NUDT9: variants seen among roughly 807,000 people sequenced by gnomAD.
NUDT9 encodes the protein ADP-ribose pyrophosphatase.
In NUDT9, 31 loss-of-function variants were observed where a neutral mutation model predicts 41.0. The ratio of observed to expected loss-of-function variants is 0.76; its 90% CI spans 0.57 to 1.02. NUDT9 has a LOEUF of 1.02. Among genes scored for constraint, NUDT9 ranks in the 50% least tolerant of loss-of-function variants. The pLI is 0.00. For missense variants in NUDT9, 380 were observed against 431.4 expected (o/e 0.88, Z 1.06); for synonymous variants, 146 against 147.6 (o/e 0.99, Z 0.08).
intron 5 of NUDT9, among the ~76,000 whole-genome samples, chr4:87,449,510 T>C (rs1185129731): frequency 6.6e-6 from 1 of 152,212 alleles, no homozygotes. Flanking sequence ...TGTAGGTCTG[T>C]GTTCTGGCCG....
intron 1 of NUDT9, among the ~76,000 whole-genome samples, chr4:87,425,850 T>G (rs187528501): frequency 2.0e-5 from 3 of 151,856 alleles, no homozygotes; most frequent in East Asian, 2.0e-4. Context: ...CTCTGTCACC[T>G]AGGCTGGAGT....
chr4:87,433,044 C>G (rs7660018), intron 1 of NUDT9, among the ~76,000 whole-genome samples: 42,252 of 151,918 alleles, frequency 0.28, 6,304 homozygotes, highest in East Asian at 0.53. Context: ...TTCCTCTTCA[C>G]GTTTTTGGAA....
chr4:87,434,626 CT>C (rs35889524), intron 1 of NUDT9, among the ~76,000 whole-genome samples: 14,387 of 142,146 alleles, frequency 0.1, 956 homozygotes, highest in East Asian at 0.3. Context: ...GAATTAGGTT[CT>C]TTTTTTTTTT....
At chr4:87,431,045 G>A (rs1721664311) in intron 1 of NUDT9, among the ~76,000 whole-genome samples, 1 of 152,118 alleles carries the variant, frequency 6.6e-6, no homozygotes, top group African/African-American at 2.4e-5. Context: ...GTCAGCATGT[G>A]TTCCTCTAAG....
chr4:87,423,829 C>T (rs1269580528), intron 1 of NUDT9, among the ~76,000 whole-genome samples: 1 of 152,040 alleles, frequency 6.6e-6, no homozygotes, highest in Non-Finnish European at 1.5e-5. Context: ...GGCTCTGTAC[C>T]AGGTTGCCTA....
chr4:87,456,665 A>G (rs555552834), intron 7 of NUDT9, among the ~76,000 whole-genome samples: 1 of 152,204 alleles, frequency 6.6e-6, no homozygotes, highest in South Asian at 2.1e-4. Context: ...AAGTGTTCCT[A>G]CCAGGTGCTG....
chr4:87,441,939 C>G (rs1210781114), intron 4 of NUDT9, 24 bp downstream of exon 4: 2 of 1,546,100 alleles, frequency 1.3e-6, no homozygotes, highest in African/African-American at 2.8e-5. Context: ...AAAAGCATAT[C>G]AGTAGCAAAG....
intron 1 of NUDT9, among the ~76,000 whole-genome samples, chr4:87,429,683 TC>T (rs1407189620): frequency 1.4e-5 from 2 of 144,686 alleles, no homozygotes; most frequent in Non-Finnish European, 3.0e-5. Context: ...CTTTTCTCTC[TC>T]CCCGTTTCCC....
Position 87,422,825 on chromosome 4 carries a change from G to C in NUDT9, c.-81G>C. The C allele has an allele frequency of 9.4e-7, 1 of 1,066,954 alleles. No individual in the cohort carries two copies. The highest frequency in any genetic ancestry group is 2.4e-5 in the East Asian group (1 of 41,164). The allele number at this position is 1,066,954 out of a possible 1,614,324, so 66.1% of individuals were successfully genotyped here. A position where few individuals can be genotyped will look rare whatever the true frequency, so the allele number is the denominator to read the frequency against. On this transcript the variant is annotated 5_prime_UTR_variant, in exon 1 of 8. Transcript: ENST00000302174. ...GTGCCCATCAGATACCCGCGGCCGG[G>C]ACTCGGAGCTGTGGGGTGTGGGGAG...
intron 6 of NUDT9, among the ~76,000 whole-genome samples, chr4:87,452,415 G>A (rs1455421278): frequency 6.6e-6 from 1 of 152,042 alleles, no homozygotes; most frequent in East Asian, 1.9e-4. Flanking sequence ...GTCATACAGA[G>A]ATTTTTCTGG....
At chr4:87,445,703 T>C (rs1722414203) in intron 4 of NUDT9, among the ~76,000 whole-genome samples, 1 of 152,224 alleles carries the variant, frequency 6.6e-6, no homozygotes, top group Non-Finnish European at 1.5e-5. Context: ...ATATTACTGA[T>C]ATTCAGTAAA....
Position 87,435,032 on chromosome 4 carries a change from T to G in NUDT9, c.159T>G (p.Gly53=), listed in dbSNP as rs1168751675. 1 of 1,614,042 alleles carries G rather than the reference T, an allele frequency of 6.2e-7. No homozygotes were observed. Among genetic ancestry groups the G allele is most frequent in the Non-Finnish European group, 8.5e-7 (1 of 1,179,938 alleles). ...ATCTTAATACCAACGTCATGTCTGGTTCTAATGGTTCCAAAGAAAATTCTC... is the reference window on the plus strand; with the variant it reads ...ATCTTAATACCAACGTCATGTCTGGGTCTAATGGTTCCAAAGAAAATTCTC... The part of the protein sequence containing the change: ...WFHLNTNVMS[G]SNGSKENSHN... Residue 53 remains glycine (G), a synonymous_variant, in exon 2 of 8, where the codon GGT becomes GGG. Coordinates refer to ENST00000302174, the MANE Select transcript of NUDT9 (RefSeq NM_024047.5).
At chr4:87,431,144 T>C (rs1160659558) in intron 1 of NUDT9, among the ~76,000 whole-genome samples, 1 of 152,246 alleles carries the variant, frequency 6.6e-6, no homozygotes, top group Non-Finnish European at 1.5e-5. Flanking sequence ...TCAAACTTCA[T>C]ACTACTTTTG....
intron 1 of NUDT9, 21 bp downstream of exon 1, chr4:87,423,033 CG>C (rs761279364): frequency 3.8e-5 from 60 of 1,590,924 alleles, no homozygotes; most frequent in Non-Finnish European, 5.0e-5. Context: ...CTCCTACTAC[CG>C]GCTCCTTTGC....
In NUDT9 at chr4:87,457,863, A is replaced by T; in HGVS notation, c.895A>T (p.Met299Leu). The change falls in exon 8 of 8, where the codon ATG becomes TTG. Residue 299 changes from methionine to leucine, a missense_variant. Physicochemically the swap from Met to Leu is conservative, Grantham distance 15 (BLOSUM62 2). Coordinates refer to ENST00000302174, the MANE Select transcript of NUDT9 (RefSeq NM_024047.5). ...DETGEIMDNLMLEAGDDAGKV... is the reference protein window; with the variant it reads ...DETGEIMDNLLLEAGDDAGKV... ...ACCAGGTGAGATAATGGATAATCTT[A>T]TGCTAGAAGCTGGAGATGATGCTGG... 2 of 1,611,514 alleles carry T rather than the reference A, an allele frequency of 1.2e-6. No individual in the cohort carries two copies. The highest frequency in any genetic ancestry group is 1.7e-6 in the Non-Finnish European group (2 of 1,179,088).
At chr4:87,447,788 C>T (rs535215997) in intron 4 of NUDT9, among the ~76,000 whole-genome samples, 2 of 152,128 alleles carry the variant, frequency 1.3e-5, no homozygotes, top group South Asian at 4.1e-4. Context: ...AATTGCAGCA[C>T]TTTGGGATGC....
chr4:87,446,508 C>A (rs1722465713), intron 4 of NUDT9, among the ~76,000 whole-genome samples: 1 of 152,112 alleles, frequency 6.6e-6, no homozygotes, highest in Admixed American at 6.6e-5. Context: ...GCTGGGATTA[C>A]AGGCGTGGGC....
At chr4:87,440,137 A>G (rs967939167) in intron 3 of NUDT9, among the ~76,000 whole-genome samples, 1 of 152,224 alleles carries the variant, frequency 6.6e-6, no homozygotes, top group Non-Finnish European at 1.5e-5. Context: ...TATTATGAAA[A>G]GATAGGTAAG....
chr4:87,442,339 A>G (rs917800985), intron 4 of NUDT9, among the ~76,000 whole-genome samples: 51 of 152,318 alleles, frequency 3.3e-4, no homozygotes, highest in African/African-American at 1.1e-3. Context: ...AAAAGATAAA[A>G]AACCATACAC....
Sources: allele counts gnomAD v4.1 joint callset (sites outside exome capture counted in the v4.1 genomes callset), GRCh38; gene constraint gnomAD v4.1.1; transcripts MANE v1.5; gene names NCBI Gene and HGNC (gene_info 2026-07-23, HGNC 2026-07-21).